LRMDA: variants seen among roughly 807,000 people sequenced by gnomAD.
LRMDA encodes the protein leucine-rich melanocyte differentiation-associated protein.
In LRMDA, 18 loss-of-function variants were observed where a neutral mutation model predicts 29.8. The observed-to-expected ratio is 0.60, with a 90% CI of 0.42 to 0.90. The LOEUF is 0.90. LRMDA is among the 40% of genes least tolerant of loss of function. The pLI is 0.00. For synonymous variants in LRMDA, 125 were observed against 109.4 expected (o/e 1.14, Z -0.89); for missense variants, 273 against 273.9 (o/e 1.00, Z 0.02).
Position 76,559,310 on chromosome 10 carries a change from A to C in LRMDA, c.*2022A>C, listed in dbSNP as rs529693041. On this transcript the variant is annotated 3_prime_UTR_variant, in exon 7 of 7. Transcript: ENST00000611255. ...TATCATGCGCAGGAATGTCTCCCTC[A>C]ATGTGAGCTTTGGAGGCAAAACATA... 2.0e-5 allele frequency: 3 copies of C among 152,250 alleles called. No individual in the cohort carries two copies. The East Asian group carries it at 5.8e-4, about 29-fold the overall frequency. The allele number at this position is 152,250 out of a possible 1,614,324, so 9.4% of individuals were successfully genotyped here.
intron 2 of LRMDA, among the ~76,000 whole-genome samples, chr10:75,802,970 A>ATTT (rs1554826738): frequency 2.3e-5 from 3 of 128,240 alleles, no homozygotes; most frequent in African/African-American, 6.4e-5. Flanking sequence ...ATATATATAT[A>ATTT]TATTTTTTTT....
chr10:76,260,325 G>A (rs1426507301), intron 5 of LRMDA, among the ~76,000 whole-genome samples: 2 of 152,128 alleles, frequency 1.3e-5, no homozygotes, highest in Non-Finnish European at 2.9e-5. Context: ...TGATGATGAA[G>A]ATTTTCCAGA....
At chr10:75,830,053 A>C (rs1256146878) in intron 2 of LRMDA, among the ~76,000 whole-genome samples, 1 of 152,036 alleles carries the variant, frequency 6.6e-6, no homozygotes, top group Non-Finnish European at 1.5e-5. Flanking sequence ...TTGCAGTATG[A>C]TGGAGTGGGA....
rs1232031511 is a variant in LRMDA at position 76,376,856 on chromosome 10, C to A, written c.601+52371C>A. Among the ~76,000 whole-genome samples, 2 of 72,864 alleles carry A rather than the reference C, an allele frequency of 2.7e-5. 1 individual carries two copies. Among genetic ancestry groups the A allele is most frequent in the African/African-American group, 1.1e-4 (2 of 18,960 alleles). The allele number at this position is 72,864 out of a possible 152,430, so 47.8% of individuals were successfully genotyped here. A position where few individuals can be genotyped will look rare whatever the true frequency, so the allele number is the denominator to read the frequency against. On this transcript the variant is annotated intron_variant, in intron 6 of 6. Coordinates refer to ENST00000611255, the MANE Select transcript of LRMDA (RefSeq NM_001305581.2). ...CATTTTTTCAAATGTTTGTTGGGCA[C>A]TTGGAAGTCTTTTTTTTTTTTTTTT...
intron 2 of LRMDA, among the ~76,000 whole-genome samples, chr10:75,528,819 A>G (rs2132041534): frequency 6.6e-6 from 1 of 152,352 alleles, no homozygotes; most frequent in African/African-American, 2.4e-5. Context: ...CAAAAAACCT[A>G]GTATTAATAT....
At chr10:76,511,061 A>G (rs899250188) in intron 6 of LRMDA, among the ~76,000 whole-genome samples, 3 of 152,054 alleles carry the variant, frequency 2.0e-5, no homozygotes, top group African/African-American at 4.8e-5. Context: ...ATTTTTTGCT[A>G]TTTGTCTTCA....
intron 6 of LRMDA, among the ~76,000 whole-genome samples, chr10:76,364,513 A>AG (rs1364873095): frequency 6.6e-6 from 1 of 150,806 alleles, no homozygotes; most frequent in African/African-American, 2.4e-5. Flanking sequence ...AGTTTATGTA[A>AG]AATTTCCAGG....
At chr10:75,758,680 T>C (rs190264279) in intron 2 of LRMDA, among the ~76,000 whole-genome samples, 10 of 152,334 alleles carry the variant, frequency 6.6e-5, no homozygotes, top group South Asian at 2.1e-4. Flanking sequence ...GTGTAGTCTT[T>C]GTAGTAAATC....
In LRMDA at chr10:75,437,947, C is replaced by G. The variant is rs561735039; in HGVS notation, c.31-447C>G. ...GTTCCAGCACCCTGAAGGTTGGATG[C>G]TGGTAAGTGCATCTGCTGTGTCTTT... On this transcript the variant is annotated intron_variant, in intron 1 of 6. Transcript: ENST00000611255. 9.2e-5 allele frequency among the ~76,000 whole-genome samples: 14 copies of G among 152,258 alleles called. No individual in the cohort carries two copies. In the South Asian group the frequency reaches 2.9e-3, roughly 32 times the overall value.
chr10:76,358,490 G>C (rs16933436), intron 6 of LRMDA, among the ~76,000 whole-genome samples: 9,795 of 152,192 alleles, frequency 0.064, 557 homozygotes, highest in African/African-American at 0.16. Context: ...TGTTTCTGAT[G>C]GTTTTCTCAC....
chr10:75,681,561 G>A (rs865862057), intron 2 of LRMDA, among the ~76,000 whole-genome samples: 42 of 152,188 alleles, frequency 2.8e-4, no homozygotes, highest in African/African-American at 9.9e-4. Context: ...GGCACAGGCT[G>A]ACCCTTCAGG....
At chr10:76,154,063 C>T (rs768384264) in intron 5 of LRMDA, among the ~76,000 whole-genome samples, 1 of 152,172 alleles carries the variant, frequency 6.6e-6, no homozygotes, top group Non-Finnish European at 1.5e-5. Context: ...TTGTATTGGT[C>T]CCTCTTTCTC....
intron 5 of LRMDA, among the ~76,000 whole-genome samples, chr10:76,253,489 G>A (rs1852523435): frequency 6.6e-6 from 1 of 151,694 alleles, no homozygotes; most frequent in Non-Finnish European, 1.5e-5. Flanking sequence ...GAGGGAGAGA[G>A]AGAGAGAGAA....
intron 2 of LRMDA, among the ~76,000 whole-genome samples, chr10:75,927,169 G>A (rs959513442): frequency 3.9e-5 from 6 of 152,310 alleles, no homozygotes; most frequent in African/African-American, 1.4e-4. Flanking sequence ...ATTATACCCA[G>A]AAGCAGCACA....
intron 5 of LRMDA, among the ~76,000 whole-genome samples, chr10:76,124,680 G>T (rs1176303855): frequency 6.6e-6 from 1 of 152,220 alleles, no homozygotes; most frequent in Non-Finnish European, 1.5e-5. Context: ...AGTAGGGTTT[G>T]GGTCAATGCC....
intron 2 of LRMDA, among the ~76,000 whole-genome samples, chr10:75,580,280 GACAA>G (rs1434154999): frequency 5.3e-5 from 8 of 152,254 alleles, no homozygotes; most frequent in South Asian, 4.1e-4. Context: ...AGCAGTAACA[GACAA>G]ACAGAGAGCC....
chr10:75,786,155 T>C (rs553044202), intron 2 of LRMDA, among the ~76,000 whole-genome samples: 260 of 152,310 alleles, frequency 1.7e-3, no homozygotes, highest in African/African-American at 6.0e-3. Context: ...CATTGTTCAG[T>C]TATGAGCAGA....
intron 6 of LRMDA, among the ~76,000 whole-genome samples, chr10:76,461,181 G>A (rs1430039939): frequency 6.6e-6 from 1 of 152,096 alleles, no homozygotes; most frequent in Non-Finnish European, 1.5e-5. Context: ...CTTGGGTTAT[G>A]GGAAGTAGCA....
intron 2 of LRMDA, among the ~76,000 whole-genome samples, chr10:75,802,207 A>C (rs1041815947): frequency 2.0e-5 from 3 of 151,922 alleles, no homozygotes; most frequent in Non-Finnish European, 4.4e-5. Context: ...GATCCTAGCT[A>C]CTGAGGAGCC....
Sources: gnomAD v4.1 joint callset for allele counts (sites outside exome capture counted in the v4.1 genomes callset) on GRCh38, gnomAD v4.1.1 for gene constraint, MANE v1.5 for transcripts, NCBI Gene and HGNC (gene_info 2026-07-23, HGNC 2026-07-21) for gene names.